The following BPHL variants were observed in gnomAD, a reference collection of about 807,000 sequenced individuals.
BPHL encodes the protein biphenyl hydrolase like.
Under a neutral mutation model 31.2 loss-of-function variants are expected in BPHL, and 27 were observed. The observed-to-expected ratio is 0.87, with a 90% CI of 0.64 to 1.19. The LOEUF is 1.19. Ranked by LOEUF, BPHL falls within the 50% of genes most tolerant of loss-of-function variation. The pLI is 0.00. For missense variants in BPHL, 356 were observed against 375.7 expected, an observed-to-expected ratio of 0.95 and a Z score of 0.43; for synonymous variants, 150 against 146.8, an observed-to-expected ratio of 1.02 and a Z score of -0.16.
intron 1 of BPHL, among the ~76,000 whole-genome samples, chr6:3,119,134 G>T (rs1394958429): frequency 6.6e-6 from 1 of 152,224 alleles, no homozygotes; most frequent in East Asian, 1.9e-4. Context: ...GTGCAGACCA[G>T]AGAGACCCAG....
intron 1 of BPHL, chr6:3,119,282 C>T (rs907761303): frequency 1.3e-6 from 2 of 1,541,070 alleles, no homozygotes; most frequent in Non-Finnish European, 1.7e-6. Context: ...TCTCTTATGT[C>T]AGAAATCAGC....
At chr6:3,137,761 GGT>G (rs1449409174) in intron 5 of BPHL, among the ~76,000 whole-genome samples, 2 of 152,110 alleles carry the variant, frequency 1.3e-5, no homozygotes, top group Non-Finnish European at 2.9e-5. Context: ...TCTAATCCTT[GGT>G]GTGTGTGCGA....
chr6:3,123,621 C>G (rs372923387), intron 1 of BPHL, 36 bp from the exon 2 acceptor site: 68 of 1,578,518 alleles, frequency 4.3e-5, no homozygotes, highest in South Asian at 1.8e-4. Flanking sequence ...CCCATCTCCC[C>G]TTTCCCCCTG....
At chr6:3,123,629 CT>C (rs770578726) in intron 1 of BPHL, 27 bp from the exon 2 acceptor site, 3 of 1,594,144 alleles carry the variant, frequency 1.9e-6, no homozygotes, top group South Asian at 2.2e-5. Flanking sequence ...CCCTTTCCCC[CT>C]GTGGGGATGT....
intron 5 of BPHL, chr6:3,138,081 T>C: frequency 9.9e-7 from 1 of 1,005,276 alleles, no homozygotes; most frequent in Non-Finnish European, 1.4e-6. Context: ...TGCAATGGCA[T>C]GATCTCAGCT....
intron 2 of BPHL, among the ~76,000 whole-genome samples, chr6:3,125,697 C>A (rs1401447131): frequency 6.6e-6 from 1 of 152,154 alleles, no homozygotes; most frequent in Non-Finnish European, 1.5e-5. Flanking sequence ...GAAGAGAAGC[C>A]TCATGGGTCA....
At chr6:3,145,400 TCCGAGTGCTGG>T (rs1762310089) in intron 6 of BPHL, among the ~76,000 whole-genome samples, 1 of 51,704 alleles carries the variant, frequency 1.9e-5, no homozygotes, top group African/African-American at 6.7e-5. Flanking sequence ...CTGGTTCGGG[TCCGAGTGCTGG>T]TTCGGGTGGA....
intron 6 of BPHL, among the ~76,000 whole-genome samples, chr6:3,147,654 A>G (rs1307079773): frequency 6.6e-6 from 1 of 152,164 alleles, no homozygotes; most frequent in African/African-American, 2.4e-5. Context: ...GTGTGTATGT[A>G]TATATAGGTA....
In BPHL at chr6:3,152,998, C is replaced by T. The variant is rs1360618704; in HGVS notation, c.*423C>T. ...GAGCTGTAATTGCATCACTGCACTC[C>T]AACCTGGGCAACAGAGTAAGACCTT... On this transcript the variant is annotated 3_prime_UTR_variant, in exon 7 of 7. Transcript: ENST00000380379. The T allele has an allele frequency of 6.5e-6, 1 of 153,380 alleles. No individual in the cohort carries two copies. Among genetic ancestry groups the T allele is most frequent in the Non-Finnish European group, 1.4e-5 (1 of 69,122 alleles). The allele number at this position is 153,380 out of a possible 1,614,324, so 9.5% of individuals were successfully genotyped here.
chr6:3,138,893 T>C (rs1053711062), intron 5 of BPHL: 4 of 152,258 alleles, frequency 2.6e-5, no homozygotes, highest in African/African-American at 9.6e-5. Flanking sequence ...GCTGTAGCAG[T>C]GTATAAACTG....
chr6:3,122,290 TAAATA>T, intron 1 of BPHL, among the ~76,000 whole-genome samples: 1 of 152,066 alleles, frequency 6.6e-6, no homozygotes, highest in Non-Finnish European at 1.5e-5. Context: ...AAAAAATAAA[TAAATA>T]AAAATAAAAA....
intron 4 of BPHL, among the ~76,000 whole-genome samples, chr6:3,135,602 T>C (rs548004701): frequency 2.6e-5 from 4 of 152,190 alleles, no homozygotes; most frequent in South Asian, 4.1e-4. Context: ...TTCATTCTTA[T>C]TCTCTTCTTC....
At chr6:3,121,927 A>AT in intron 1 of BPHL, among the ~76,000 whole-genome samples, 1 of 152,090 alleles carries the variant, frequency 6.6e-6, no homozygotes, top group East Asian at 1.9e-4. Context: ...ACAGGACCTC[A>AT]TTTTTTCAAA....
At chr6:3,118,991 C>G in intron 1 of BPHL, 144 bp downstream of exon 1, 1 of 714,476 alleles carries the variant, frequency 1.4e-6, no homozygotes, top group Non-Finnish European at 2.0e-6. Context: ...CCCTTTGTGC[C>G]GCGAGACCCC....
intron 6 of BPHL, among the ~76,000 whole-genome samples, chr6:3,144,991 G>T (rs1024626388): frequency 6.6e-6 from 1 of 152,242 alleles, no homozygotes; most frequent in Non-Finnish European, 1.5e-5. Context: ...AGGGAGAGGG[G>T]TTAAGAGCAC....
At chr6:3,150,449 T>C (rs1202098773) in intron 6 of BPHL, among the ~76,000 whole-genome samples, 1 of 152,164 alleles carries the variant, frequency 6.6e-6, no homozygotes, top group Non-Finnish European at 1.5e-5. Flanking sequence ...AGCTTCTAGT[T>C]CCTTGGACTA....
rs1287968775 is a variant in BPHL, at chr6:3,153,577, A to C, written c.*1002A>C. 6 of 546,902 alleles carry C rather than the reference A, an allele frequency of 1.1e-5. No individual in the cohort carries two copies. Among genetic ancestry groups the C allele is most frequent in the Non-Finnish European group, 1.9e-5 (6 of 314,314 alleles). The allele number at this position is 546,902 out of a possible 1,614,324, so 33.9% of individuals were successfully genotyped here. A position where few individuals can be genotyped will look rare whatever the true frequency, so the allele number is the denominator to read the frequency against. On this transcript the variant is annotated 3_prime_UTR_variant, in exon 7 of 7. Coordinates refer to ENST00000380379, the MANE Select transcript of BPHL (RefSeq NM_004332.4). ...ATTAAACTTTGATTACCACAATAAA[A>C]ACAGTAGCAAGTTAAACCTTGACAC...
At chr6:3,146,812 TTGGAGTGCTGGTTCCGGC>T (rs1336741137) in intron 6 of BPHL, among the ~76,000 whole-genome samples, 12 of 134,390 alleles carry the variant, frequency 8.9e-5, no homozygotes, top group Non-Finnish European at 1.9e-4. Context: ...CTGGTTCGGG[TTGGAGTGCTGGTTCCGGC>T]TGGAGTGCTG....
intron 2 of BPHL, 28 bp from the exon 3 acceptor site, chr6:3,127,214 C>T: frequency 6.7e-7 from 1 of 1,487,268 alleles, no homozygotes; most frequent in Non-Finnish European, 9.1e-7. Flanking sequence ...AAGCGATCAC[C>T]TGAGGGTAAC....
Sources: gnomAD v4.1 joint callset for allele counts (sites outside exome capture counted in the v4.1 genomes callset) on GRCh38, gnomAD v4.1.1 for gene constraint, MANE v1.5 for transcripts, NCBI Gene and HGNC (gene_info 2026-07-23, HGNC 2026-07-21) for gene names.